The following DLC1 variants were observed in gnomAD, a reference collection of about 807,000 sequenced individuals.
The protein encoded by DLC1 is DLC1 Rho GTPase activating protein, also known as rho GTPase-activating protein 7.
A neutral mutation model predicts 140.3 loss-of-function variants in DLC1; 54 were observed. That is an observed-to-expected ratio of 0.38 (90% CI 0.31 to 0.48). The LOEUF is 0.48. Among genes scored for constraint, DLC1 ranks in the 20% least tolerant of loss-of-function variants. The pLI is 0.96. For synonymous variants in DLC1, 986 were observed against 728.1 expected (o/e 1.35, Z -5.70); for missense variants, 2,536 against 1,907.0 (o/e 1.33, Z -6.14).
chr8:13,479,863 A>AGAAGAAGAGAAAAAG (rs1563383641), intron 2 of DLC1, among the ~76,000 whole-genome samples: 95 of 56,314 alleles, frequency 1.7e-3, no homozygotes, highest in Non-Finnish European at 3.0e-3. Flanking sequence ...GAAGAAGAGA[A>AGAAGAAGAGAAAAAG]AAAGAAAGAA....
intron 5 of DLC1, among the ~76,000 whole-genome samples, chr8:13,174,670 G>T (rs1323698449): frequency 6.6e-6 from 1 of 152,124 alleles, no homozygotes; most frequent in Non-Finnish European, 1.5e-5. Flanking sequence ...CTTCCTTTAA[G>T]AAGCATCTGT....
At chr8:13,259,987 G>A (rs1416901734) in intron 5 of DLC1, among the ~76,000 whole-genome samples, 3 of 152,154 alleles carry the variant, frequency 2.0e-5, no homozygotes, top group Non-Finnish European at 4.4e-5. Context: ...TACAAGAGCA[G>A]GAGAAATGAA....
At chr8:13,122,907 T>C (rs1448870231) in intron 5 of DLC1, among the ~76,000 whole-genome samples, 1 of 152,024 alleles carries the variant, frequency 6.6e-6, no homozygotes, top group Non-Finnish European at 1.5e-5. Context: ...TACTGTTAGG[T>C]ATATTTTAGT....
chr8:13,330,188 C>G (rs1833528845), intron 4 of DLC1, among the ~76,000 whole-genome samples: 1 of 152,106 alleles, frequency 6.6e-6, no homozygotes. Flanking sequence ...TGGTCTTCAA[C>G]TGATCCCCCT....
At chr8:13,208,734 A>C (rs1563165861) in intron 5 of DLC1, among the ~76,000 whole-genome samples, 1 of 112,244 alleles carries the variant, frequency 8.9e-6, no homozygotes, top group Non-Finnish European at 1.7e-5. Flanking sequence ...CCACACACAC[A>C]CATACACACA....
chr8:13,257,683 A>G (rs1315725225), intron 5 of DLC1, among the ~76,000 whole-genome samples: 3 of 151,550 alleles, frequency 2.0e-5, no homozygotes, highest in African/African-American at 4.9e-5. Flanking sequence ...TACTCAGAAT[A>G]TGATGTTGAC....
chr8:13,493,739 C>T (rs116972481), intron 2 of DLC1, among the ~76,000 whole-genome samples: 3,483 of 152,034 alleles, frequency 0.023, 61 homozygotes, highest in Non-Finnish European at 0.034. Flanking sequence ...TATATTGTCC[C>T]AGTCAGCCTC....
chr8:13,574,317 T>C (rs1202931314), intron 1 of DLC1, among the ~76,000 whole-genome samples: 1 of 152,204 alleles, frequency 6.6e-6, no homozygotes, highest in Non-Finnish European at 1.5e-5. Flanking sequence ...GAAAGTTATC[T>C]ATTATTAATT....
intron 2 of DLC1, among the ~76,000 whole-genome samples, chr8:13,439,995 C>G (rs372993599): frequency 4.6e-5 from 7 of 152,242 alleles, no homozygotes; most frequent in African/African-American, 1.4e-4. Context: ...AAGTGTTCCT[C>G]AAAGCCTATT....
chr8:13,384,802 A>G (rs1269360947), intron 4 of DLC1, among the ~76,000 whole-genome samples: 3 of 152,120 alleles, frequency 2.0e-5, no homozygotes, highest in African/African-American at 7.2e-5. Context: ...AGGGTTCAGA[A>G]CTCACTGATG....
chr8:13,291,659 T>C (rs1831761707), intron 5 of DLC1, among the ~76,000 whole-genome samples: 1 of 152,102 alleles, frequency 6.6e-6, no homozygotes, highest in South Asian at 2.1e-4. Flanking sequence ...ATAAAGTAAA[T>C]GTAAGTGACA....
At chr8:13,551,584 G>T (rs1803853488) in intron 1 of DLC1, among the ~76,000 whole-genome samples, 1 of 151,876 alleles carries the variant, frequency 6.6e-6, no homozygotes, top group African/African-American at 2.4e-5. Context: ...TAAAACTTCT[G>T]GAGTGCTGCA....
chr8:13,362,424 T>C (rs1835272877), intron 4 of DLC1, among the ~76,000 whole-genome samples: 1 of 152,126 alleles, frequency 6.6e-6, no homozygotes, highest in South Asian at 2.1e-4. Context: ...GCACTCTGTA[T>C]GGTGGGGATC....
intron 2 of DLC1, among the ~76,000 whole-genome samples, chr8:13,457,676 CAAAAA>C (rs34916262): frequency 0.042 from 2,293 of 54,794 alleles, 44 homozygotes; most frequent in South Asian, 0.16. Context: ...GACTCCATCT[CAAAAA>C]AAAAAAAAAA....
intron 1 of DLC1, among the ~76,000 whole-genome samples, chr8:13,561,012 A>G (rs1339036165): frequency 6.6e-6 from 1 of 152,112 alleles, no homozygotes; most frequent in South Asian, 2.1e-4. Flanking sequence ...AAATGGGGAC[A>G]TTTGGAATGT....
At chr8:13,427,081 T>G (rs1838622240) in intron 2 of DLC1, among the ~76,000 whole-genome samples, 1 of 152,182 alleles carries the variant, frequency 6.6e-6, no homozygotes, top group South Asian at 2.1e-4. Context: ...TTGTTTTGTT[T>G]TGTCATTTTA....
intron 1 of DLC1, among the ~76,000 whole-genome samples, chr8:13,543,867 G>T (rs960289662): frequency 1.3e-5 from 2 of 151,856 alleles, no homozygotes; most frequent in African/African-American, 4.8e-5. Context: ...GGGAAGTGAG[G>T]GATGAAACAC....
At chr8:13,090,127 G>C in intron 15 of DLC1, 125 bp downstream of exon 15, 1 of 861,168 alleles carries the variant, frequency 1.2e-6, no homozygotes, top group Non-Finnish European at 1.8e-6. Flanking sequence ...CCGGTGCCCA[G>C]CTCTACAAGG....
chr8:13,425,029 T>A (rs74926219), intron 2 of DLC1, among the ~76,000 whole-genome samples: 3,948 of 152,246 alleles, frequency 0.026, 79 homozygotes, highest in South Asian at 0.073. Flanking sequence ...GACTTTTTTT[T>A]CACATGCCAT....
Sources: gnomAD v4.1 joint callset for allele counts (sites outside exome capture counted in the v4.1 genomes callset) on GRCh38, gnomAD v4.1.1 for gene constraint, MANE v1.5 for transcripts, NCBI Gene and HGNC (gene_info 2026-07-23, HGNC 2026-07-21) for gene names.